Variants in PRPSAP2 observed in about 807,000 individuals in gnomAD.
The protein encoded by PRPSAP2 is phosphoribosyl pyrophosphate synthetase associated protein 2, also known as phosphoribosyl pyrophosphate synthase-associated protein 2.
A neutral mutation model predicts 40.6 loss-of-function variants in PRPSAP2; 24 were observed. The observed-to-expected ratio is 0.59, with a 90% confidence interval of 0.43 to 0.83. The LOEUF is 0.83. PRPSAP2 is among the 40% of genes least tolerant of loss of function. The pLI, the probability that PRPSAP2 is intolerant of heterozygous loss-of-function variation, is 0.00. For missense variants in PRPSAP2, 292 were observed against 465.6 expected (o/e 0.63, Z 3.43); for synonymous variants, 149 against 164.7 (o/e 0.90, Z 0.73).
intron 8 of PRPSAP2, among the ~76,000 whole-genome samples, chr17:18,892,280 A>T (rs559462982): frequency 3.2e-4 from 48 of 151,692 alleles, no homozygotes; most frequent in Non-Finnish European, 5.6e-4. Context: ...TAGGACTCCT[A>T]TGGTCAGTCA....
At chr17:18,866,360 T>C (rs535233068) in intron 3 of PRPSAP2, among the ~76,000 whole-genome samples, 497 of 152,196 alleles carry the variant, frequency 3.3e-3, no homozygotes, top group African/African-American at 0.012. Context: ...GTCAGGAGAT[T>C]GAGACCATCC....
At chr17:18,921,137 A>G (rs1327232378) in intron 9 of PRPSAP2, among the ~76,000 whole-genome samples, 3 of 152,114 alleles carry the variant, frequency 2.0e-5, no homozygotes, top group Non-Finnish European at 2.9e-5. Flanking sequence ...TTTTATGGCT[A>G]ATAACCCATC....
intron 1 of PRPSAP2, among the ~76,000 whole-genome samples, chr17:18,863,648 T>C (rs2037209802): frequency 6.6e-6 from 1 of 151,958 alleles, no homozygotes; most frequent in African/African-American, 2.4e-5. Flanking sequence ...TTCTTCTGCC[T>C]CAGCCTCCCG....
At chr17:18,930,502 CT>C in intron 11 of PRPSAP2, 37 bp from the exon 12 acceptor site, 1 of 1,592,810 alleles carries the variant, frequency 6.3e-7, no homozygotes, top group Non-Finnish European at 8.6e-7. Flanking sequence ...AGCTACTTGG[CT>C]TTCTGATGCT....
intron 4 of PRPSAP2, among the ~76,000 whole-genome samples, chr17:18,869,077 G>A (rs2037647938): frequency 6.6e-6 from 1 of 152,118 alleles, no homozygotes; most frequent in Non-Finnish European, 1.5e-5. Flanking sequence ...GATGTTCTTT[G>A]TCTGGAGTCT....
intron 8 of PRPSAP2, among the ~76,000 whole-genome samples, chr17:18,893,592 G>GA (rs59015171): frequency 0.45 from 66,751 of 147,930 alleles, 15,084 homozygotes; most frequent in Middle Eastern, 0.51. Context: ...TCGTTTTTAA[G>GA]AAAAAAAAAA....
At chr17:18,925,124 GA>G (rs956565991) in intron 10 of PRPSAP2, among the ~76,000 whole-genome samples, 152 of 141,948 alleles carry the variant, frequency 1.1e-3, no homozygotes, top group East Asian at 7.7e-3. Context: ...CATCTCAAAA[GA>G]AAAAAAAAAA....
intron 8 of PRPSAP2, among the ~76,000 whole-genome samples, chr17:18,895,260 A>AT (rs1567712828): frequency 2.7e-4 from 41 of 151,342 alleles, no homozygotes; most frequent in South Asian, 1.5e-3. Context: ...TAATTAAAAA[A>AT]ATATATATAT....
chr17:18,865,800 AG>A lies in PRPSAP2; in HGVS notation c.-32del. ...TTTTTAATAAGTATTATATCCTTCT[AG>A]GCTCTGAAAATTGGAAAACCAAGAA... On this transcript the variant is annotated splice_acceptor_variant, in intron 2 of 11. Coordinates refer to ENST00000268835, the MANE Select transcript of PRPSAP2 (RefSeq NM_002767.4). LOFTEE classifies it low-confidence loss of function (5UTR_SPLICE). 1 of 1,438,410 alleles carries A rather than the reference AG, an allele frequency of 7.0e-7. No individual in the cohort carries two copies. Among genetic ancestry groups the A allele is most frequent in the Non-Finnish European group, 9.3e-7 (1 of 1,077,874 alleles). The allele number at this position is 1,438,410 out of a possible 1,614,324, so 89.1% of individuals were successfully genotyped here. A position where few individuals can be genotyped will look rare whatever the true frequency, so the allele number is the denominator to read the frequency against.
At chr17:18,885,156 T>C (rs1398659855) in intron 7 of PRPSAP2, among the ~76,000 whole-genome samples, 3 of 152,034 alleles carry the variant, frequency 2.0e-5, no homozygotes, top group Non-Finnish European at 2.9e-5. Flanking sequence ...ATCCCAGCAC[T>C]TTGAGAGGCT....
chr17:18,861,550 T>C (rs2037019981), intron 1 of PRPSAP2: 1 of 151,936 alleles, frequency 6.6e-6, no homozygotes, highest in Non-Finnish European at 1.5e-5. Flanking sequence ...AACATGACTA[T>C]GTTGATAGTC....
At chr17:18,893,689 A>C (rs2039727672) in intron 8 of PRPSAP2, among the ~76,000 whole-genome samples, 1 of 151,894 alleles carries the variant, frequency 6.6e-6, no homozygotes, top group Non-Finnish European at 1.5e-5. Context: ...CAAGAGGTCA[A>C]GGCTACAGTG....
At position 18,930,783 on chromosome 17, in the gene PRPSAP2, T is replaced by A; in HGVS notation, c.*85T>A. The A allele has an allele frequency of 1.6e-6, 2 of 1,258,526 alleles. No homozygotes were observed. The highest frequency in any genetic ancestry group is 2.2e-6 in the Non-Finnish European group (2 of 923,844). 78.0% of individuals were successfully genotyped at this position (1,258,526 alleles called of 1,614,324 possible). A position where few individuals can be genotyped will look rare whatever the true frequency, so the allele number is the denominator to read the frequency against. ...GGGATGGATTTCACAGGAACCGTCATGCTTGTTCCTCCCTCTCCCCTGTAA... is the reference window on the plus strand; with the variant it reads ...GGGATGGATTTCACAGGAACCGTCAAGCTTGTTCCTCCCTCTCCCCTGTAA... On this transcript the variant is annotated 3_prime_UTR_variant, in exon 12 of 12. Coordinates refer to ENST00000268835, the MANE Select transcript of PRPSAP2 (RefSeq NM_002767.4).
chr17:18,871,653 C>CTTTTTTTTTTTTTTTTTTTTTTTTTTT (rs142523345), intron 4 of PRPSAP2, among the ~76,000 whole-genome samples: 1 of 129,784 alleles, frequency 7.7e-6, no homozygotes. Flanking sequence ...ATATAATTTT[C>CTTTTTTTTTTTTTTTTTTTTTTTTTTT]TTTTTTTTTT....
rs1597696678 is a variant in PRPSAP2 at position 18,907,691 on chromosome 17, C to T, written c.585-3412C>T. Among the ~76,000 whole-genome samples, 5 of 152,276 alleles carry T rather than the reference C, an allele frequency of 3.3e-5. No homozygotes were observed. The South Asian group carries it at 1.0e-3, about 32-fold the overall frequency. ...ATGCAAGCCATACAAAATATATTCTCTGACCACAGTGGAATTAAGAATAAT... is the reference window on the plus strand; with the variant it reads ...ATGCAAGCCATACAAAATATATTCTTTGACCACAGTGGAATTAAGAATAAT... On this transcript the variant is annotated intron_variant, in intron 8 of 11. Transcript: ENST00000268835.
At chr17:18,884,192 G>A (rs576360293) in intron 7 of PRPSAP2, among the ~76,000 whole-genome samples, 10 of 152,156 alleles carry the variant, frequency 6.6e-5, no homozygotes, top group Admixed American at 3.9e-4. Context: ...GCTTGAACCT[G>A]GGAGGTGGAG....
Position 18,911,091 on chromosome 17 carries a change from G to A in PRPSAP2, c.585-12G>A, listed in dbSNP as rs767921979. 5.4e-5 allele frequency: 87 copies of A among 1,597,482 alleles called. 1 individual carries two copies. In the South Asian group the frequency reaches 9.7e-4, roughly 18 times the overall value. On this transcript the variant is annotated splice_polypyrimidine_tract_variant and intron_variant, in intron 8 of 11. Transcript: ENST00000268835. This position sits in a 1 kb window ranked among gnomAD's most constrained non-coding sequence, Gnocchi z 4.5. ...CATGAGTTTTGAGCTTGTGTCTGGT[G>A]TTTTCCCTCAGGGCACAGTCTTTTG...
chr17:18,910,625 G>A (rs1263614993), intron 8 of PRPSAP2, among the ~76,000 whole-genome samples: 1 of 152,166 alleles, frequency 6.6e-6, no homozygotes, highest in African/African-American at 2.4e-5. Flanking sequence ...GGCACATACA[G>A]CCTTCAGAGC....
intron 6 of PRPSAP2, among the ~76,000 whole-genome samples, chr17:18,879,837 C>T (rs1286873574): frequency 2.0e-5 from 3 of 149,690 alleles, no homozygotes; most frequent in Non-Finnish European, 3.0e-5. Context: ...TGGTGGCTCA[C>T]GCCTGTAATC....
Sources: allele counts gnomAD v4.1 joint callset (sites outside exome capture counted in the v4.1 genomes callset), GRCh38; gene constraint gnomAD v4.1.1; non-coding constraint Gnocchi (gnomAD v3.1); transcripts MANE v1.5; gene names NCBI Gene and HGNC (gene_info 2026-07-23, HGNC 2026-07-21).